The following MYO1D variants were observed in gnomAD, a reference collection of about 807,000 sequenced individuals.
MYO1D encodes unconventional myosin-Id.
In MYO1D, 83 loss-of-function variants were observed where a neutral mutation model predicts 122.0. The observed-to-expected ratio is 0.68, with a 90% CI of 0.57 to 0.82. The LOEUF (loss-of-function observed/expected upper bound fraction) is 0.82. MYO1D is among the 40% of genes least tolerant of loss of function. The pLI, the probability that MYO1D is intolerant of heterozygous loss-of-function variation, is 0.00. For synonymous variants in MYO1D, 464 were observed against 446.9 expected, an observed-to-expected ratio of 1.04 and a Z score of -0.48; for missense variants, 1,157 against 1,269.5, an observed-to-expected ratio of 0.91 and a Z score of 1.35.
At chr17:32,737,362 C>CTTT (rs59432486) in intron 14 of MYO1D, among the ~76,000 whole-genome samples, 5 of 142,134 alleles carry the variant, frequency 3.5e-5, no homozygotes, top group Non-Finnish European at 4.6e-5. Flanking sequence ...AATAATACAA[C>CTTT]TTTTTTTTTT....
At chr17:32,565,882 G>A (rs2087168814) in intron 21 of MYO1D, among the ~76,000 whole-genome samples, 1 of 152,106 alleles carries the variant, frequency 6.6e-6, no homozygotes. Flanking sequence ...CACCAGGTGT[G>A]GCTAATTTTT....
In MYO1D at chr17:32,764,897, C is replaced by A; in HGVS notation, c.1016G>T (p.Gly339Val). ...KQHTEQEASYGRDAFAKAIYE... is the reference protein window; with the variant it reads ...KQHTEQEASYVRDAFAKAIYE... ...TCTCACCTTGGCAAAGGCGTCTCTG[C>A]CGTAGCTGGCCTCTTGTTCTGTGTG... The change falls in exon 8 of 22, where the codon GGC (glycine) becomes GTC (valine). Residue 339 changes from glycine to valine, a missense_variant. Gly to Val is a moderately radical substitution (Grantham distance 109). Coordinates refer to ENST00000318217, the MANE Select transcript of MYO1D (RefSeq NM_015194.3). 1 of 1,614,142 alleles carries A rather than the reference C, an allele frequency of 6.2e-7. No homozygotes were observed.
chr17:32,721,624 A>T (rs1389120911), intron 14 of MYO1D, among the ~76,000 whole-genome samples: 1 of 152,226 alleles, frequency 6.6e-6, no homozygotes. Context: ...AGGGACGGAC[A>T]GCTCTGGTAT....
intron 21 of MYO1D, among the ~76,000 whole-genome samples, chr17:32,513,763 C>T (rs776264979): frequency 2.6e-5 from 4 of 151,902 alleles, no homozygotes; most frequent in Admixed American, 1.3e-4. Context: ...TAAGCCTGCC[C>T]GCACAGCTGT....
rs568078543 is a variant in MYO1D at position 32,496,203 on chromosome 17, A to T, written c.2865-1288T>A. On this transcript the variant is annotated intron_variant, in intron 21 of 21. Coordinates refer to ENST00000318217, the MANE Select transcript of MYO1D (RefSeq NM_015194.3). ...TCCACGGGGTCAGCGTGCCCAGAGT[A>T]ATGGGTGTCACTAGAGCACCTGGCC... The T allele has an allele frequency of 4.6e-5, 7 of 152,304 alleles. No individual in the cohort carries two copies. The East Asian group carries it at 1.4e-3, about 29-fold the overall frequency. 9.4% of individuals were successfully genotyped at this position (152,304 alleles called of 1,614,324 possible). A position where few individuals can be genotyped will look rare whatever the true frequency, so the allele number is the denominator to read the frequency against.
chr17:32,624,899 T>C (rs1416142697), intron 20 of MYO1D, among the ~76,000 whole-genome samples: 2 of 152,030 alleles, frequency 1.3e-5, no homozygotes, highest in African/African-American at 2.4e-5. Context: ...CAAGCGATTC[T>C]CTTGCCTCAG....
At chr17:32,861,883 T>G (rs1309923405) in intron 1 of MYO1D, among the ~76,000 whole-genome samples, 3 of 152,074 alleles carry the variant, frequency 2.0e-5, no homozygotes, top group African/African-American at 7.2e-5. Context: ...CTGGGCATAG[T>G]GGTACACGCC....
chr17:32,790,859 T>A (rs575186345), intron 1 of MYO1D, among the ~76,000 whole-genome samples: 1 of 152,256 alleles, frequency 6.6e-6, no homozygotes, highest in South Asian at 2.1e-4. Flanking sequence ...TAACACCAGA[T>A]AAAGGCCTGG....
intron 21 of MYO1D, chr17:32,495,709 G>A (rs1280316182): frequency 1.3e-5 from 2 of 152,376 alleles, no homozygotes; most frequent in South Asian, 2.1e-4. Flanking sequence ...CACTTGTCGC[G>A]ATAGGCTGGC....
intron 1 of MYO1D, among the ~76,000 whole-genome samples, chr17:32,816,541 A>C (rs1456411985): frequency 6.6e-6 from 1 of 152,222 alleles, no homozygotes; most frequent in Non-Finnish European, 1.5e-5. Flanking sequence ...ATTTTAAATA[A>C]TTCTGTTTGA....
intron 13 of MYO1D, among the ~76,000 whole-genome samples, chr17:32,744,381 C>T (rs1454996732): frequency 6.6e-6 from 1 of 152,210 alleles, no homozygotes. Context: ...CTGTTACCTA[C>T]TTTATTTTTC....
At chr17:32,676,547 C>T (rs926041531) in intron 16 of MYO1D, among the ~76,000 whole-genome samples, 1 of 152,052 alleles carries the variant, frequency 6.6e-6, no homozygotes, top group Non-Finnish European at 1.5e-5. Flanking sequence ...CAGAGAAAAA[C>T]GTTCTCTCCT....
At position 32,764,821 on chromosome 17, in the gene MYO1D, C is replaced by A. The variant is rs529322483; in HGVS notation, c.1035+57G>T. The A allele has an allele frequency of 6.4e-6, 10 of 1,551,124 alleles. No individual in the cohort carries two copies. In the South Asian group the frequency reaches 8.9e-5, roughly 14 times the overall value. The stretch of plus-strand genomic sequence containing the variant: ...GTCTGAATACATGCTCACAGGATTT[C>A]ACTCAATTTGCAACTGCGATCAACA... On this transcript the variant is annotated intron_variant, in intron 8 of 21. Transcript: ENST00000318217.
chr17:32,703,241 A>T lies in MYO1D; in HGVS notation c.2121+8747T>A, dbSNP rs555107780. On this transcript the variant is annotated intron_variant, in intron 16 of 21. Transcript: ENST00000318217. ...TATAATTAATTATAGATGCCCTTTA[A>T]AAAAGGCCAAATCCCCCAAATAAAA... Among the ~76,000 whole-genome samples the T allele has an allele frequency of 2.0e-3, 307 of 152,252 alleles. 3 individuals are homozygous for T. Among genetic ancestry groups the T allele is most frequent in the African/African-American group, 7.2e-3 (299 of 41,546 alleles).
At chr17:32,870,841 TA>T (rs1268748842) in intron 1 of MYO1D, among the ~76,000 whole-genome samples, 1 of 152,198 alleles carries the variant, frequency 6.6e-6, no homozygotes, top group East Asian at 1.9e-4. Context: ...TTCTTTTTCT[TA>T]AAGGTGGTTG....
intron 21 of MYO1D, among the ~76,000 whole-genome samples, chr17:32,586,443 T>C (rs1307998983): frequency 4.6e-5 from 7 of 152,298 alleles, no homozygotes; most frequent in Middle Eastern, 6.8e-3. Flanking sequence ...TACATTTATA[T>C]AGTTGTGTGG....
chr17:32,689,516 G>A (rs562218354), intron 16 of MYO1D, among the ~76,000 whole-genome samples: 110 of 152,192 alleles, frequency 7.2e-4, no homozygotes, highest in African/African-American at 2.5e-3. Flanking sequence ...AATGATGCCC[G>A]CCTAGCCACC....
rs114589870 is a variant in MYO1D, at chr17:32,608,464, C to G, written c.2710-3223G>C. Among the ~76,000 whole-genome samples the G allele has an allele frequency of 4.6e-3, 696 of 152,276 alleles. 3 individuals carry two copies. Among genetic ancestry groups the G allele is most frequent in the African/African-American group, 0.015 (635 of 41,556 alleles). On this transcript the variant is annotated intron_variant, in intron 20 of 21. Transcript: ENST00000318217. Reference sequence around the variant, plus strand: ...CATCAGAATGGCTAAAATAACAAAACAGCCTACAACAACAAAAGAGTGATA... The same window carrying G: ...CATCAGAATGGCTAAAATAACAAAAGAGCCTACAACAACAAAAGAGTGATA...
intron 21 of MYO1D, among the ~76,000 whole-genome samples, chr17:32,560,187 G>T (rs377356283): frequency 1.3e-5 from 2 of 152,056 alleles, no homozygotes; most frequent in African/African-American, 4.8e-5. Context: ...CCTGGGAGGC[G>T]GAGGTTGCAG....
Sources: allele counts gnomAD v4.1 joint callset (sites outside exome capture counted in the v4.1 genomes callset), GRCh38; gene constraint gnomAD v4.1.1; transcripts MANE v1.5; gene names NCBI Gene and HGNC (gene_info 2026-07-23, HGNC 2026-07-21).